The following NLN variants were observed in gnomAD, a reference collection of about 807,000 sequenced individuals.
NLN encodes neurolysin.
NLN carries 64 observed loss-of-function variants against 79.9 expected under a neutral mutation model. The observed-to-expected ratio is 0.80, with a 90% CI of 0.65 to 0.99. The LOEUF is 0.99. Among genes scored for constraint, NLN ranks in the 50% least tolerant of loss-of-function variants. The pLI, the probability that NLN is intolerant of heterozygous loss-of-function variation, is 0.00. For synonymous variants in NLN, 267 were observed against 296.6 expected, an observed-to-expected ratio of 0.90 and a Z score of 1.02; for missense variants, 835 against 858.7, an observed-to-expected ratio of 0.97 and a Z score of 0.34.
At chr5:65,744,950 T>G (rs1758943134) in intron 1 of NLN, among the ~76,000 whole-genome samples, 1 of 152,184 alleles carries the variant, frequency 6.6e-6, no homozygotes. Context: ...TTTGAGTACT[T>G]TAAGGAAGAA....
At chr5:65,792,717 G>A (rs748464626) in intron 9 of NLN, 62 bp downstream of exon 9, 3 of 1,285,650 alleles carry the variant, frequency 2.3e-6, no homozygotes, top group Admixed American at 1.7e-5. Context: ...CTTCTTGACT[G>A]CTGTCAGGTT....
intron 9 of NLN, among the ~76,000 whole-genome samples, chr5:65,807,789 A>G (rs1253682075): frequency 6.6e-6 from 1 of 152,196 alleles, no homozygotes; most frequent in Non-Finnish European, 1.5e-5. Context: ...AGACTAGAGT[A>G]TAATGTAAAT....
At chr5:65,742,822 C>G (rs749001014) in intron 1 of NLN, among the ~76,000 whole-genome samples, 26 of 152,320 alleles carry the variant, frequency 1.7e-4, no homozygotes, top group Middle Eastern at 3.4e-3. Context: ...TGACGTGTCT[C>G]TCACATAATT....
At chr5:65,736,529 C>G (rs1051103125) in intron 1 of NLN, among the ~76,000 whole-genome samples, 3 of 152,190 alleles carry the variant, frequency 2.0e-5, no homozygotes, top group African/African-American at 7.2e-5. Context: ...TTCCTTCTCT[C>G]CATATAGTAT....
chr5:65,767,475 G>T (rs1300266531), intron 3 of NLN, among the ~76,000 whole-genome samples: 2 of 152,168 alleles, frequency 1.3e-5, no homozygotes, highest in African/African-American at 4.8e-5. Flanking sequence ...AGGGGAAGGA[G>T]GGGGGAGCAC....
intron 1 of NLN, among the ~76,000 whole-genome samples, chr5:65,724,431 T>C (rs2150729913): frequency 6.6e-6 from 1 of 152,356 alleles, no homozygotes; most frequent in South Asian, 2.1e-4. Context: ...ATTTCCTTTT[T>C]AAAACTGAAT....
chr5:65,727,679 G>A (rs1403637916), intron 1 of NLN, among the ~76,000 whole-genome samples: 2 of 152,146 alleles, frequency 1.3e-5, no homozygotes, highest in Admixed American at 1.3e-4. Flanking sequence ...AGAAACAAAC[G>A]AGAAGGTTGA....
At chr5:65,770,229 A>C (rs980357110) in intron 3 of NLN, among the ~76,000 whole-genome samples, 1 of 152,236 alleles carries the variant, frequency 6.6e-6, no homozygotes, top group African/African-American at 2.4e-5. Flanking sequence ...ACTTCTATTC[A>C]TAAGGAAAAG....
intron 12 of NLN, among the ~76,000 whole-genome samples, chr5:65,818,282 C>G (rs1459156306): frequency 6.6e-6 from 1 of 152,104 alleles, no homozygotes; most frequent in African/African-American, 2.4e-5. Flanking sequence ...TTTTATTCAG[C>G]GTTGGGTTCC....
At chr5:65,795,903 G>A (rs1238088560) in intron 9 of NLN, among the ~76,000 whole-genome samples, 2 of 152,094 alleles carry the variant, frequency 1.3e-5, no homozygotes, top group Non-Finnish European at 2.9e-5. Context: ...CCAAAATCCA[G>A]TTATATGTTT....
intron 12 of NLN, among the ~76,000 whole-genome samples, chr5:65,816,495 C>T (rs1760673884): frequency 6.6e-6 from 1 of 151,176 alleles, no homozygotes; most frequent in African/African-American, 2.4e-5. Context: ...ACAAGTTTAC[C>T]TATGTAACAA....
At position 65,828,449 on chromosome 5, in the gene NLN, G is replaced by C. The variant is rs1373236779; in HGVS notation, c.*5534G>C. 1 of 152,168 alleles carries C rather than the reference G, an allele frequency of 6.6e-6. No homozygotes were observed. The highest frequency in any genetic ancestry group is 1.5e-5 in the Non-Finnish European group (1 of 68,026). 9.4% of individuals were successfully genotyped at this position (152,168 alleles called of 1,614,324 possible). ...TCAAAAGAAAAATAAAAAAGAATTA[G>C]GGAAGTTCAGTCTGGAGATAATTCA... On this transcript the variant is annotated 3_prime_UTR_variant, in exon 13 of 13. Transcript: ENST00000380985.
At chr5:65,781,473 A>C in intron 6 of NLN, 52 bp downstream of exon 6, 1 of 1,380,986 alleles carries the variant, frequency 7.2e-7, no homozygotes, top group Non-Finnish European at 1.0e-6. Flanking sequence ...TTTTAAGAAA[A>C]GGGTTTACTT....
rs947882616 is a variant in NLN, at chr5:65,827,297, G to A, written c.*4382G>A. ...AGGTTCAACACATCTAGTCCACGAT[G>A]TACGTACAAGGGGAAGGGGTGAACA... is the stretch of plus-strand genomic sequence containing the variant. On this transcript the variant is annotated 3_prime_UTR_variant, in exon 13 of 13. Transcript: ENST00000380985. The A allele has an allele frequency of 6.6e-6, 1 of 152,206 alleles. No homozygotes were observed. Among genetic ancestry groups the A allele is most frequent in the East Asian group, 1.9e-4 (1 of 5,182 alleles). 9.4% of individuals were successfully genotyped at this position (152,206 alleles called of 1,614,324 possible). A position where few individuals can be genotyped will look rare whatever the true frequency, so the allele number is the denominator to read the frequency against.
chr5:65,765,743 C>T (rs986640779), intron 3 of NLN, among the ~76,000 whole-genome samples: 16 of 151,432 alleles, frequency 1.1e-4, no homozygotes, highest in Non-Finnish European at 1.5e-5. Flanking sequence ...ACATAAAGGC[C>T]TCATTAAGCT....
chr5:65,758,464 AG>A (rs1759267632), intron 1 of NLN, 102 bp from the exon 2 acceptor site: 2 of 761,180 alleles, frequency 2.6e-6, no homozygotes, highest in Admixed American at 2.8e-5. Context: ...TTTTTTAAAA[AG>A]GTTCTTTTTA....
chr5:65,745,495 A>G (rs1237425396), intron 1 of NLN, among the ~76,000 whole-genome samples: 1 of 152,190 alleles, frequency 6.6e-6, no homozygotes, highest in Non-Finnish European at 1.5e-5. Context: ...TGTGACCTTG[A>G]GCAAGCTACT....
At chr5:65,822,275 G>A (rs1269566264) in intron 12 of NLN, among the ~76,000 whole-genome samples, 2 of 152,200 alleles carry the variant, frequency 1.3e-5, no homozygotes, top group Non-Finnish European at 2.9e-5. Context: ...TGCGGGGCAC[G>A]TACAGCCCTT....
At chr5:65,741,218 T>C (rs1758862990) in intron 1 of NLN, among the ~76,000 whole-genome samples, 1 of 152,160 alleles carries the variant, frequency 6.6e-6, no homozygotes, top group African/African-American at 2.4e-5. Flanking sequence ...TCCAGCTTTA[T>C]TCTTTTTACT....
Sources: allele counts gnomAD v4.1 joint callset (sites outside exome capture counted in the v4.1 genomes callset), GRCh38; gene constraint gnomAD v4.1.1; transcripts MANE v1.5; gene names NCBI Gene and HGNC (gene_info 2026-07-23, HGNC 2026-07-21).